CAMK4: variants seen among roughly 807,000 people sequenced by gnomAD.
The protein encoded by CAMK4 is calcium/calmodulin dependent protein kinase IV.
CAMK4 carries 22 observed loss-of-function variants against 44.9 expected under a neutral mutation model. That is an observed-to-expected ratio of 0.49 (90% confidence interval 0.35 to 0.70). The LOEUF is 0.70. CAMK4 is among the 30% of genes least tolerant of loss of function. The pLI is 0.01. For synonymous variants in CAMK4, 218 were observed against 215.4 expected (o/e 1.01, Z -0.11); for missense variants, 498 against 586.8 (o/e 0.85, Z 1.56).
At chr5:111,325,173 A>G (rs1748827762) in intron 1 of CAMK4, among the ~76,000 whole-genome samples, 1 of 151,986 alleles carries the variant, frequency 6.6e-6, no homozygotes, top group Non-Finnish European at 1.5e-5. Context: ...TGCAAAGGAC[A>G]TGAAGTCATC....
At chr5:111,267,596 CG>C (rs1019207142) in intron 1 of CAMK4, among the ~76,000 whole-genome samples, 3 of 148,070 alleles carry the variant, frequency 2.0e-5, no homozygotes, top group African/African-American at 7.5e-5. Context: ...CCCAGCTACT[CG>C]GGAGGCTGAG....
chr5:111,492,534 T>C lies in CAMK4; in HGVS notation c.*8068T>C, dbSNP rs1755889159. ...TGATTGCTCAGTTTGAAGACGATCA[T>C]TGATGGACAAATACTTTAGAAATGA... On this transcript the variant is annotated 3_prime_UTR_variant, in exon 11 of 11. Coordinates refer to ENST00000282356, the MANE Select transcript of CAMK4 (RefSeq NM_001744.6). 6.6e-6 allele frequency: 1 copy of C among 152,176 alleles called. No homozygotes were observed. The highest frequency in any genetic ancestry group is 2.1e-4 in the South Asian group (1 of 4,836). The allele number at this position is 152,176 out of a possible 1,614,324, so 9.4% of individuals were successfully genotyped here. A position where few individuals can be genotyped will look rare whatever the true frequency, so the allele number is the denominator to read the frequency against.
At chr5:111,360,976 C>A (rs953343147) in intron 2 of CAMK4, among the ~76,000 whole-genome samples, 1 of 152,002 alleles carries the variant, frequency 6.6e-6, no homozygotes, top group African/African-American at 2.4e-5. Context: ...ACATTAATTT[C>A]TTCTGTACTT....
rs2112510844 is a variant in CAMK4 at position 111,486,607 on chromosome 5, AAGATC to A, written c.*2145_*2149del. The stretch of plus-strand genomic sequence containing the variant: ...AAAGTGGCACTTGGCGCTTAGCTGA[AAGATC>A]AGAACACATCATTCCTCCCTGCCCA... On this transcript the variant is annotated 3_prime_UTR_variant, in exon 11 of 11. Coordinates refer to ENST00000282356, the MANE Select transcript of CAMK4 (RefSeq NM_001744.6). 6.6e-6 allele frequency: 1 copy of A among 152,324 alleles called. No homozygotes were observed. Among genetic ancestry groups the A allele is most frequent in the Non-Finnish European group, 1.5e-5 (1 of 68,356 alleles). 9.4% of individuals were successfully genotyped at this position (152,324 alleles called of 1,614,324 possible).
chr5:111,383,248 A>G (rs946844916), intron 4 of CAMK4, among the ~76,000 whole-genome samples: 9 of 152,192 alleles, frequency 5.9e-5, no homozygotes, highest in Non-Finnish European at 1.2e-4. Context: ...AGATAAACGG[A>G]TTTGGTTTTT....
intron 1 of CAMK4, among the ~76,000 whole-genome samples, chr5:111,339,739 A>G (rs1475566190): frequency 6.6e-6 from 1 of 150,444 alleles, no homozygotes; most frequent in Non-Finnish European, 1.5e-5. Flanking sequence ...GAATTTCGGA[A>G]TTTTTTTTTA....
chr5:111,259,748 C>A (rs1749900699), intron 1 of CAMK4, among the ~76,000 whole-genome samples: 1 of 152,120 alleles, frequency 6.6e-6, no homozygotes, highest in Admixed American at 6.5e-5. Context: ...AAAAGTATTA[C>A]AAAAGGACCC....
chr5:111,273,655 C>A (rs1177658052), intron 1 of CAMK4, among the ~76,000 whole-genome samples: 1 of 133,320 alleles, frequency 7.5e-6, no homozygotes, highest in East Asian at 2.2e-4. Context: ...GAAATGTTAT[C>A]CGTCAGCTTT....
chr5:111,376,174 A>T (rs540311564), intron 3 of CAMK4, among the ~76,000 whole-genome samples: 1 of 152,122 alleles, frequency 6.6e-6, no homozygotes, highest in East Asian at 1.9e-4. Context: ...CTTTTACATT[A>T]TCCATCTCTT....
At chr5:111,441,148 CA>C (rs1017039380) in intron 5 of CAMK4, among the ~76,000 whole-genome samples, 1 of 151,618 alleles carries the variant, frequency 6.6e-6, no homozygotes, top group Non-Finnish European at 1.5e-5. Context: ...AGAAACAATG[CA>C]AAAAAAATCT....
At chr5:111,324,118 A>G (rs894482776) in intron 1 of CAMK4, among the ~76,000 whole-genome samples, 1 of 151,996 alleles carries the variant, frequency 6.6e-6, no homozygotes, top group Non-Finnish European at 1.5e-5. Context: ...GATAAAGTAG[A>G]AGATTAAAAA....
intron 1 of CAMK4, among the ~76,000 whole-genome samples, chr5:111,328,510 A>G (rs1253656105): frequency 6.6e-6 from 1 of 152,044 alleles, no homozygotes; most frequent in Non-Finnish European, 1.5e-5. Context: ...TTTTGGTTCC[A>G]TATGAACTTT....
intron 1 of CAMK4, among the ~76,000 whole-genome samples, chr5:111,319,220 A>G (rs1299656673): frequency 6.6e-6 from 1 of 152,130 alleles, no homozygotes; most frequent in Non-Finnish European, 1.5e-5. Flanking sequence ...GATTTGTTCC[A>G]ATAGTAGTAG....
chr5:111,475,184 CAAAAG>C (rs1580803023), intron 8 of CAMK4, among the ~76,000 whole-genome samples: 1 of 151,960 alleles, frequency 6.6e-6, no homozygotes, highest in Non-Finnish European at 1.5e-5. Flanking sequence ...CAAAACAAAA[CAAAAG>C]AAAAAGAAAA....
At chr5:111,454,139 T>C (rs372001437) in intron 7 of CAMK4, among the ~76,000 whole-genome samples, 17 of 152,308 alleles carry the variant, frequency 1.1e-4, no homozygotes, top group East Asian at 9.6e-4. Context: ...GACTTTACTT[T>C]GAACTTGAAA....
At chr5:111,278,437 A>G (rs1371105689) in intron 1 of CAMK4, among the ~76,000 whole-genome samples, 1 of 152,246 alleles carries the variant, frequency 6.6e-6, no homozygotes, top group Admixed American at 6.5e-5. Flanking sequence ...GTCACTCACA[A>G]TTATAGAAAC....
At chr5:111,429,646 T>C (rs12659103) in intron 5 of CAMK4, among the ~76,000 whole-genome samples, 90,630 of 151,000 alleles carry the variant, frequency 0.6, 27,301 homozygotes, top group Middle Eastern at 0.72. Flanking sequence ...CATGGTGGTG[T>C]GCACTTATAG....
intron 2 of CAMK4, among the ~76,000 whole-genome samples, chr5:111,373,676 C>T (rs886274007): frequency 6.6e-6 from 1 of 152,080 alleles, no homozygotes; most frequent in African/African-American, 2.4e-5. Flanking sequence ...GGGGAGAACC[C>T]ATTTCCCATT....
chr5:111,328,345 G>A (rs1381509194), intron 1 of CAMK4, among the ~76,000 whole-genome samples: 2 of 151,422 alleles, frequency 1.3e-5, no homozygotes, highest in African/African-American at 2.4e-5. Flanking sequence ...ATTTCTGAGG[G>A]CTCTGTTCTG....
Sources: gnomAD v4.1 joint callset for allele counts (sites outside exome capture counted in the v4.1 genomes callset) on GRCh38, gnomAD v4.1.1 for gene constraint, MANE v1.5 for transcripts, NCBI Gene and HGNC (gene_info 2026-07-23, HGNC 2026-07-21) for gene names.